The following GON4L variants were observed in gnomAD, a reference collection of about 807,000 sequenced individuals.
The protein encoded by GON4L is gon-4 like, also known as GON-4-like protein.
GON4L carries 87 observed loss-of-function variants against 211.8 expected under a neutral mutation model. The observed-to-expected ratio is 0.41, with a 90% CI of 0.35 to 0.49. GON4L has a LOEUF of 0.49. GON4L is among the 20% of genes least tolerant of loss of function. The pLI, the probability that GON4L is intolerant of heterozygous loss-of-function variation, is 0.15. For missense variants in GON4L, 2,155 were observed against 2,659.5 expected (o/e 0.81, Z 4.17); for synonymous variants, 875 against 962.6 (o/e 0.91, Z 1.68).
Position 155,791,783 on chromosome 1 carries a change from G to A in GON4L, c.1747+3267C>T, listed in dbSNP as rs373181824. 1.3e-4 allele frequency among the ~76,000 whole-genome samples: 20 copies of A among 151,984 alleles called. 1 individual carries two copies. In the East Asian group the frequency reaches 1.9e-3, roughly 15 times the overall value. On this transcript the variant is annotated intron_variant, in intron 12 of 31. Transcript: ENST00000368331. ...TTCTGGAGGCTGAGGCAGGAGAATC[G>A]CTTGAACCCAGGAGGCAGAGTTTGC...
At chr1:155,838,924 GAATAT>G (rs1304807836) in intron 2 of GON4L, among the ~76,000 whole-genome samples, 2 of 151,592 alleles carry the variant, frequency 1.3e-5, no homozygotes, top group African/African-American at 4.8e-5. Flanking sequence ...ATTAAGAAAG[GAATAT>G]TATATAGGGA....
In GON4L at chr1:155,803,418, T is replaced by C. The variant is rs535007909; in HGVS notation, c.1645+1531A>G. Among the ~76,000 whole-genome samples, 94 of 151,908 alleles carry C rather than the reference T, an allele frequency of 6.2e-4. 1 individual carries two copies. The highest frequency in any genetic ancestry group is 2.2e-3 in the African/African-American group (93 of 41,422). The stretch of plus-strand genomic sequence containing the variant: ...CACCACCACGCCCAGCAAATTTTTT[T>C]ATTTTTAGTAGAGACAGGGTTTCAC... On this transcript the variant is annotated intron_variant, in intron 11 of 31. Coordinates refer to ENST00000368331, the MANE Select transcript of GON4L (RefSeq NM_001282860.2).
At chr1:155,830,283 T>C (rs903461063) in intron 2 of GON4L, among the ~76,000 whole-genome samples, 1 of 150,688 alleles carries the variant, frequency 6.6e-6, no homozygotes, top group South Asian at 2.1e-4. Context: ...GTTCCAATTT[T>C]TTTTTTTTCT....
chr1:155,837,969 A>C (rs1670458786), intron 2 of GON4L, among the ~76,000 whole-genome samples: 1 of 152,162 alleles, frequency 6.6e-6, no homozygotes, highest in Non-Finnish European at 1.5e-5. Context: ...CTTGTTTTCA[A>C]ATTATTAATA....
In GON4L at chr1:155,826,871, T is replaced by C; in HGVS notation, c.663A>G (p.Glu221=). ...PLRTLFHQPE[E]EIEDGGLFIP... is the part of the protein sequence containing the mutation. ...TGAAGAGTCCACCATCTTCTATCTC[T>C]TCCTCAGGTTGGTGAAACAGAGTCC... Residue 221 remains glutamate, a synonymous_variant, in exon 3 of 32, where the codon GAA becomes GAG. Transcript: ENST00000368331. The C allele has an allele frequency of 6.2e-7, 1 of 1,612,174 alleles. No individual in the cohort carries two copies. Among genetic ancestry groups the C allele is most frequent in the East Asian group, 2.2e-5 (1 of 44,874 alleles).
chr1:155,784,191 AT>A, intron 13 of GON4L, 102 bp from the exon 14 acceptor site: 16 of 1,483,156 alleles, frequency 1.1e-5, no homozygotes, highest in Non-Finnish European at 1.5e-5. Context: ...CAAGACTATA[AT>A]AATGCTGGCA....
intron 21 of GON4L, chr1:155,764,675 G>C: frequency 1.6e-6 from 1 of 624,624 alleles, no homozygotes; most frequent in Non-Finnish European, 2.8e-6. Context: ...TCCTGGCCTT[G>C]TGATCCACCC....
intron 3 of GON4L, among the ~76,000 whole-genome samples, chr1:155,822,957 G>A (rs1176592853): frequency 2.6e-5 from 4 of 152,032 alleles, no homozygotes; most frequent in Admixed American, 6.6e-5. Context: ...CACCATGCCC[G>A]GCTAATTTTG....
chr1:155,757,537 CCA>C (rs1276969060), intron 25 of GON4L, among the ~76,000 whole-genome samples: 1 of 151,844 alleles, frequency 6.6e-6, no homozygotes, highest in Non-Finnish European at 1.5e-5. Flanking sequence ...CCTAATGATT[CCA>C]CTCTCCACTC....
chr1:155,852,183 A>C (rs1266208815), intron 2 of GON4L, among the ~76,000 whole-genome samples: 1 of 121,344 alleles, frequency 8.2e-6, no homozygotes, highest in Non-Finnish European at 1.8e-5. Context: ...AAAAAAAAAA[A>C]AGAAGTCATC....
chr1:155,790,389 T>C (rs1454733376), intron 12 of GON4L, among the ~76,000 whole-genome samples: 2 of 143,396 alleles, frequency 1.4e-5, no homozygotes, highest in Non-Finnish European at 3.0e-5. Flanking sequence ...TGAGCCACCA[T>C]GCCCGGCTGC....
At chr1:155,748,025 G>T, downstream of GON4L, 1 of 1,608,006 alleles carries the variant, frequency 6.2e-7, no homozygotes, top group South Asian at 1.1e-5. Flanking sequence ...TTTTGGTCTC[G>T]TGCACCTGAC....
At chr1:155,748,833 C>T, downstream of GON4L, 1 of 1,562,204 alleles carries the variant, frequency 6.4e-7, no homozygotes, top group Non-Finnish European at 8.8e-7. Context: ...ATTTTTGTTT[C>T]ATGTCCTTTT....
Position 155,764,668 on chromosome 1 carries a change from T to C in GON4L, c.4473+332A>G, listed in dbSNP as rs572447474. On this transcript the variant is annotated intron_variant, in intron 21 of 31. Transcript: ENST00000368331. ...GTCGGCCAGGCCAGTCTGAAACTCCTGGCCTTGTGATCCACCCACCTCAGC... is the reference window on the plus strand; with the variant it reads ...GTCGGCCAGGCCAGTCTGAAACTCCCGGCCTTGTGATCCACCCACCTCAGC... 1.0e-4 allele frequency: 62 copies of C among 604,922 alleles called. No individual in the cohort carries two copies. The East Asian group carries it at 1.4e-3, about 14-fold the overall frequency. 37.5% of individuals were successfully genotyped at this position (604,922 alleles called of 1,614,324 possible). A position where few individuals can be genotyped will look rare whatever the true frequency, so the allele number is the denominator to read the frequency against.
At chr1:155,854,146 TTTTTTG>T (rs946359709) in intron 1 of GON4L, among the ~76,000 whole-genome samples, 10 of 152,240 alleles carry the variant, frequency 6.6e-5, no homozygotes, top group Non-Finnish European at 8.8e-5. Flanking sequence ...ATTTTTGTGT[TTTTTTG>T]TTTTTGTTTT....
At chr1:155,854,320 A>AT (rs1231843308) in intron 1 of GON4L, among the ~76,000 whole-genome samples, 2 of 151,716 alleles carry the variant, frequency 1.3e-5, no homozygotes, top group African/African-American at 2.4e-5. Flanking sequence ...CGCCTGGCTA[A>AT]TTTTTTTTGT....
chr1:155,858,636 G>GTTTTTTT (rs60054192), upstream of GON4L, among the ~76,000 whole-genome samples: 1 of 107,932 alleles, frequency 9.3e-6, no homozygotes, highest in Non-Finnish European at 1.9e-5. Flanking sequence ...TTCATTAGTT[G>GTTTTTTT]TTTTTTTTTT....
chr1:155,853,354 G>C lies in GON4L; in HGVS notation c.427C>G (p.Gln143Glu). Residue 143 changes from glutamine (Q) to glutamate (E), a missense_variant, in exon 2 of 32, where the codon CAA becomes GAA. Physicochemically the swap from Gln to Glu is conservative, Grantham distance 29. Around this residue, in one of 6 missense-constraint regions of GON4L, gnomAD observed 313 missense variants for 293.2 expected, o/e 1.07. Coordinates refer to ENST00000368331, the MANE Select transcript of GON4L (RefSeq NM_001282860.2). ...GTAAGATGATCACATCTGTCTTCTTGGGTAACTGGCCCAGGCCTGAGTGTC... is the reference window on the plus strand; with the variant it reads ...GTAAGATGATCACATCTGTCTTCTTCGGTAACTGGCCCAGGCCTGAGTGTC... ...KMTLRPGPVT[Q>E]EDRCDHLTLK... 2 of 1,613,992 alleles carry C rather than the reference G, an allele frequency of 1.2e-6. No individual in the cohort carries two copies. The highest frequency in any genetic ancestry group is 2.2e-5 in the East Asian group (1 of 44,888).
chr1:155,841,485 C>T (rs1414724301), intron 2 of GON4L, among the ~76,000 whole-genome samples: 1 of 152,170 alleles, frequency 6.6e-6, no homozygotes, highest in Non-Finnish European at 1.5e-5. Flanking sequence ...ATAGATAAGT[C>T]AGTTTTATAA....
Sources: gnomAD v4.1 joint callset for allele counts (sites outside exome capture counted in the v4.1 genomes callset) on GRCh38, gnomAD v4.1.1 for gene constraint, gnomAD v4.1.1 regional missense constraint, MANE v1.5 for transcripts, NCBI Gene and HGNC (gene_info 2026-07-23, HGNC 2026-07-21) for gene names.